CIB4: variants seen among roughly 807,000 people sequenced by gnomAD.
CIB4 encodes the protein calcium and integrin binding family member 4, also known as calcium and integrin-binding family member 4.
In CIB4, 25 loss-of-function variants were observed where a neutral mutation model predicts 25.8. That is an observed-to-expected ratio of 0.97 (90% confidence interval 0.71 to 1.35). The LOEUF is 1.35. Ranked by LOEUF, CIB4 falls within the 40% of genes most tolerant of loss-of-function variation. CIB4 has a pLI of 0.00. For synonymous variants in CIB4, 75 were observed against 81.4 expected, an observed-to-expected ratio of 0.92 and a Z score of 0.42; for missense variants, 235 against 228.2, an observed-to-expected ratio of 1.03 and a Z score of -0.19.
chr2:26,596,000 T>C (rs1017741263), intron 3 of CIB4, among the ~76,000 whole-genome samples: 3 of 152,208 alleles, frequency 2.0e-5, no homozygotes, highest in Non-Finnish European at 4.4e-5. Flanking sequence ...ATAGTACCTA[T>C]GACACAACAT....
chr2:26,625,668 A>G (rs575739269), intron 3 of CIB4, among the ~76,000 whole-genome samples: 1 of 151,864 alleles, frequency 6.6e-6, no homozygotes, highest in Non-Finnish European at 1.5e-5. Context: ...AACAGGCTCC[A>G]CCCCCCCACT....
intron 3 of CIB4, among the ~76,000 whole-genome samples, chr2:26,617,733 T>G (rs1439468319): frequency 6.6e-6 from 1 of 152,152 alleles, no homozygotes. Context: ...GGGTTGAGGA[T>G]GATCAAAGAG....
At chr2:26,620,286 AGTCCCT>A (rs1259590673) in intron 3 of CIB4, among the ~76,000 whole-genome samples, 1 of 152,222 alleles carries the variant, frequency 6.6e-6, no homozygotes, top group Admixed American at 6.5e-5. Context: ...TGCGACTGGA[AGTCCCT>A]GGTAGCGCTG....
intron 5 of CIB4, 83 bp downstream of exon 5, chr2:26,583,706 T>C (rs577219380): frequency 2.3e-6 from 2 of 870,384 alleles, no homozygotes; most frequent in Middle Eastern, 3.4e-4. Flanking sequence ...CCCAAGAGGG[T>C]GGCCTGACAT....
intron 3 of CIB4, among the ~76,000 whole-genome samples, chr2:26,617,254 C>T (rs6709336): frequency 0.22 from 33,598 of 151,902 alleles, 5,545 homozygotes; most frequent in African/African-American, 0.43. Flanking sequence ...CAGCCAGCCC[C>T]CTGTGTAACA....
chr2:26,589,037 TCTTCTTCTTC>T (rs1668517556), intron 4 of CIB4, among the ~76,000 whole-genome samples: 1 of 45,644 alleles, frequency 2.2e-5, no homozygotes, highest in African/African-American at 9.0e-5. Context: ...TTCTTCTTCT[TCTTCTTCTTC>T]TTCTTCTTCT....
At chr2:26,589,296 C>CTCTCCT (rs1225818577) in intron 4 of CIB4, among the ~76,000 whole-genome samples, 1 of 149,610 alleles carries the variant, frequency 6.7e-6, no homozygotes, top group East Asian at 2.0e-4. Flanking sequence ...CCTCCTCCTC[C>CTCTCCT]TCTCCTTCTC....
At chr2:26,596,901 T>C (rs1410699620) in intron 3 of CIB4, among the ~76,000 whole-genome samples, 1 of 152,216 alleles carries the variant, frequency 6.6e-6, no homozygotes, top group East Asian at 1.9e-4. Context: ...TATGTTTTCC[T>C]GGCACAAAAA....
At chr2:26,609,704 G>A (rs940519339) in intron 3 of CIB4, among the ~76,000 whole-genome samples, 2 of 152,152 alleles carry the variant, frequency 1.3e-5, no homozygotes, top group African/African-American at 4.8e-5. Flanking sequence ...AAGGTCCCAG[G>A]CGCAACAGGG....
chr2:26,590,619 C>T (rs76208631), intron 4 of CIB4, among the ~76,000 whole-genome samples: 2,008 of 152,234 alleles, frequency 0.013, 39 homozygotes, highest in African/African-American at 0.046. Context: ...GTGGACCACT[C>T]CCCCCTCGAC....
intron 4 of CIB4, among the ~76,000 whole-genome samples, chr2:26,586,158 C>T (rs965631069): frequency 7.2e-5 from 11 of 152,186 alleles, no homozygotes; most frequent in African/African-American, 2.7e-4. Flanking sequence ...CACAGCAGCC[C>T]GGGTGATCTG....
At chr2:26,615,377 C>A (rs1400124979) in intron 3 of CIB4, among the ~76,000 whole-genome samples, 1 of 152,174 alleles carries the variant, frequency 6.6e-6, no homozygotes, top group Non-Finnish European at 1.5e-5. Context: ...CTGCAGGGTA[C>A]AGAATCTCCC....
At chr2:26,629,328 A>ACCCCCCCCCACC in intron 3 of CIB4, 82 bp downstream of exon 3, 1 of 874,288 alleles carries the variant, frequency 1.1e-6, no homozygotes. Context: ...TGCCCACCTC[A>ACCCCCCCCCACC]CCCCACCCCT....
At chr2:26,593,393 CAT>C (rs961131300) in intron 4 of CIB4, among the ~76,000 whole-genome samples, 3 of 146,140 alleles carry the variant, frequency 2.1e-5, no homozygotes. Context: ...TACACACACA[CAT>C]ATATACACAC....
At chr2:26,634,938 T>A (rs1017748249) in intron 2 of CIB4, among the ~76,000 whole-genome samples, 2 of 152,248 alleles carry the variant, frequency 1.3e-5, no homozygotes, top group African/African-American at 4.8e-5. Context: ...CAGGCTGACC[T>A]GCGCCTGAGA....
intron 3 of CIB4, among the ~76,000 whole-genome samples, chr2:26,620,542 CTG>C (rs1669186090): frequency 6.6e-6 from 1 of 152,190 alleles, no homozygotes; most frequent in African/African-American, 2.4e-5. Context: ...GTGCTGAACT[CTG>C]AGACCTCACC....
rs1187640015 is a variant in CIB4 at position 26,589,108 on chromosome 2, C to CTCT, written c.329-5213_329-5211dup. Among the ~76,000 whole-genome samples, 130 of 67,802 alleles carry CTCT rather than the reference C, an allele frequency of 1.9e-3. 16 individuals carry two copies. The highest frequency in any genetic ancestry group is 6.8e-3 in the African/African-American group (100 of 14,768). 44.5% of individuals were successfully genotyped at this position (67,802 alleles called of 152,430 possible). On this transcript the variant is annotated intron_variant, in intron 4 of 6. Transcript: ENST00000288861. ...CTTCTTCTTCTTCTTCTTCTTCTTC[C>CTCT]TCTTCTTCTTCTTCTTCTTCTTCTT...
At chr2:26,626,284 C>G (rs1669301778) in intron 3 of CIB4, among the ~76,000 whole-genome samples, 1 of 151,684 alleles carries the variant, frequency 6.6e-6, no homozygotes, top group Non-Finnish European at 1.5e-5. Context: ...TGCCCTATCC[C>G]TAGTTCTCTA....
Position 26,595,208 on chromosome 2 carries a change from CT to C in CIB4, c.295del (p.Ser99AlafsTer2). 1 of 1,613,364 alleles carries C rather than the reference CT, an allele frequency of 6.2e-7. No individual in the cohort carries two copies. Among genetic ancestry groups the C allele is most frequent in the South Asian group, 1.1e-5 (1 of 91,066 alleles). On this transcript the variant is annotated frameshift_variant, in exon 4 of 7. Coordinates refer to ENST00000288861, the MANE Select transcript of CIB4 (RefSeq NM_001029881.3). LOFTEE classifies it high-confidence loss of function. Reference protein sequence around the residue: ...ASVFSEQACPSLKIEYAFRIY... With the variant: ...ASVFSEQACPXLKIEYAFRIY... ...GCGAAAGGCATACTCAATCTTCAGG[CT>C]TGGGCAGGCCTGCTCGCTGAACACA...
Sources: allele counts gnomAD v4.1 joint callset (sites outside exome capture counted in the v4.1 genomes callset), GRCh38; gene constraint gnomAD v4.1.1; transcripts MANE v1.5; gene names NCBI Gene and HGNC (gene_info 2026-07-23, HGNC 2026-07-21).